Variants in GRK4 observed in about 807,000 individuals in gnomAD.
GRK4 encodes G protein-coupled receptor kinase 2-like.
GRK4 carries 73 observed loss-of-function variants against 77.9 expected under a neutral mutation model. The ratio of observed to expected loss-of-function variants is 0.94; its 90% CI spans 0.78 to 1.14. The LOEUF (loss-of-function observed/expected upper bound fraction) is 1.14. Among genes scored for constraint, GRK4 ranks in the 50% most tolerant of loss-of-function variants. The pLI is 0.00. For synonymous variants in GRK4, 257 were observed against 254.4 expected (o/e 1.01, Z -0.10); for missense variants, 729 against 700.2 (o/e 1.04, Z -0.46).
At chr4:3,023,724 G>A (rs1423827680) in intron 10 of GRK4, among the ~76,000 whole-genome samples, 1 of 152,202 alleles carries the variant, frequency 6.6e-6, no homozygotes, top group Non-Finnish European at 1.5e-5. Flanking sequence ...GGCACTAAGC[G>A]AAGCTGCTCA....
intron 2 of GRK4, 56 bp from the exon 3 acceptor site, chr4:2,988,671 T>A: frequency 2.3e-6 from 2 of 887,396 alleles, no homozygotes; most frequent in South Asian, 2.6e-5. Flanking sequence ...TAGAACAGCA[T>A]GTGGTGGACT....
At chr4:3,037,918 C>CAA (rs80159278) in intron 14 of GRK4, among the ~76,000 whole-genome samples, 55 of 109,956 alleles carry the variant, frequency 5.0e-4, no homozygotes, top group African/African-American at 1.2e-3. Context: ...TCGTCTCACC[C>CAA]AAAAAAAAAA....
chr4:3,038,595 A>G, intron 15 of GRK4, 82 bp downstream of exon 15: 1 of 1,488,638 alleles, frequency 6.7e-7, no homozygotes, highest in South Asian at 1.3e-5. Flanking sequence ...AAAACCTGGT[A>G]CTTTTTCTGT....
intron 14 of GRK4, 98 bp from the exon 15 acceptor site, chr4:3,038,278 C>T: frequency 6.7e-7 from 1 of 1,487,846 alleles, no homozygotes; most frequent in Non-Finnish European, 9.2e-7. Context: ...TCTGAGGTGC[C>T]CCGCACGGGG....
intron 4 of GRK4, among the ~76,000 whole-genome samples, chr4:2,993,712 C>T (rs569395320): frequency 1.3e-5 from 2 of 152,096 alleles, no homozygotes; most frequent in African/African-American, 2.4e-5. Flanking sequence ...AATCACTGCT[C>T]TAACATGTAA....
intron 15 of GRK4, among the ~76,000 whole-genome samples, chr4:3,039,501 C>T (rs1456258443): frequency 1.3e-5 from 2 of 151,894 alleles, no homozygotes; most frequent in African/African-American, 2.4e-5. Context: ...AGTTCAAGAC[C>T]AGCTTAGCCA....
At chr4:2,969,399 A>T in intron 1 of GRK4, 1 of 140,290 alleles carries the variant, frequency 7.1e-6, no homozygotes, top group Non-Finnish European at 1.5e-5. Context: ...TTTTTTAAAG[A>T]GAGTTTCGCT....
intron 2 of GRK4, chr4:2,986,854 T>TA: frequency 2.9e-6 from 1 of 341,302 alleles, no homozygotes; most frequent in South Asian, 2.2e-5. Flanking sequence ...ATTATATTTA[T>TA]AAAAATTAGT....
Position 3,013,837 on chromosome 4 carries a change from C to A in GRK4, c.741+9C>A, listed in dbSNP as rs1466460926. On this transcript the variant is annotated intron_variant, in intron 8 of 15. Transcript: ENST00000398052. The stretch of plus-strand genomic sequence containing the variant: ...TGCAAAGTAGATTCGTAGTAAGTGT[C>A]TCCTCTTAGTCTTCACTGTGCATTG... 1 of 1,604,640 alleles carries A rather than the reference C, an allele frequency of 6.2e-7. No homozygotes were observed.
intron 5 of GRK4, among the ~76,000 whole-genome samples, chr4:3,006,429 T>A (rs1242310940): frequency 1.3e-5 from 2 of 152,064 alleles, no homozygotes; most frequent in African/African-American, 4.8e-5. Flanking sequence ...TTACTTATTC[T>A]TGTTGGATAT....
chr4:3,026,811 C>T (rs755486180), intron 10 of GRK4, among the ~76,000 whole-genome samples: 1 of 152,228 alleles, frequency 6.6e-6, no homozygotes, highest in African/African-American at 2.4e-5. Context: ...AAGCATCATG[C>T]AGACTGTTTT....
chr4:2,985,208 C>T (rs966242097), intron 2 of GRK4, among the ~76,000 whole-genome samples: 7 of 151,372 alleles, frequency 4.6e-5, no homozygotes, highest in African/African-American at 9.7e-5. Context: ...GTCAGGAGAT[C>T]GAGACCACGG....
At chr4:2,984,671 G>C (rs972607348) in intron 2 of GRK4, 63 bp downstream of exon 2, 20 of 778,100 alleles carry the variant, frequency 2.6e-5, no homozygotes, top group Non-Finnish European at 8.0e-6. Context: ...TTCATTAGAT[G>C]TTATTCTTTC....
chr4:3,035,622 C>T (rs1366046206), intron 13 of GRK4, 99 bp downstream of exon 13: 5 of 1,354,838 alleles, frequency 3.7e-6, no homozygotes, highest in Non-Finnish European at 4.0e-6. Context: ...GGGGGTCTCA[C>T]TGTGTTGCCC....
At chr4:2,968,344 A>G (rs1430075266) in intron 1 of GRK4, among the ~76,000 whole-genome samples, 2 of 152,180 alleles carry the variant, frequency 1.3e-5, no homozygotes, top group African/African-American at 2.4e-5. Context: ...GTTATTGAGC[A>G]GTTTCTTTAA....
rs762680427 is a variant in GRK4 at position 3,027,929 on chromosome 4, G to A, written c.988G>A (p.Asp330Asn). Residue 330 changes from aspartate (D) to asparagine (N), a missense_variant, in exon 11 of 16, where the codon GAC (aspartate) becomes AAC (asparagine). By Grantham distance (23) the Asp-to-Asn change is conservative (BLOSUM62 1). Coordinates refer to ENST00000398052, the MANE Select transcript of GRK4 (RefSeq NM_182982.3). ...LDDRGHIRISDLGLATEIPEG... is the reference protein window; with the variant it reads ...LDDRGHIRISNLGLATEIPEG... ...ACACACAGGACACATCCGGATTTCAGACCTCGGTTTGGCCACAGAGATCCC... is the reference window on the plus strand; with the variant it reads ...ACACACAGGACACATCCGGATTTCAAACCTCGGTTTGGCCACAGAGATCCC... 1 of 1,614,074 alleles carries A rather than the reference G, an allele frequency of 6.2e-7. No homozygotes were observed. The highest frequency in any genetic ancestry group is 8.5e-7 in the Non-Finnish European group (1 of 1,180,008).
At position 3,029,371 on chromosome 4, in the gene GRK4, GAGA is replaced by G. The variant is rs1229158772; in HGVS notation, c.1234_1236del (p.Lys412del). On this transcript the variant is annotated inframe_deletion, in exon 12 of 16. Transcript: ENST00000398052. ...CAAGAATGATACCGAGGAGTATTCT[GAGA>G]AGTTTTCAGAGGATGCCAAATCTAT... 1 of 1,614,184 alleles carries G rather than the reference GAGA, an allele frequency of 6.2e-7. No homozygotes were observed.
In GRK4 at chr4:3,013,744, A is replaced by C; in HGVS notation, c.657A>C (p.Gln219His). 6.2e-7 allele frequency: 1 copy of C among 1,613,640 alleles called. No individual in the cohort carries two copies. The highest frequency in any genetic ancestry group is 8.5e-7 in the Non-Finnish European group (1 of 1,179,828). Residue 219 changes from glutamine (Q) to histidine (H), a missense_variant, in exon 8 of 16, where the codon CAA becomes CAC. Coordinates refer to ENST00000398052, the MANE Select transcript of GRK4 (RefSeq NM_182982.3). ...TGKMYACKKL[Q>H]KKRIKKRKGE... ...AAATGTATGCCTGCAAAAAGCTACA[A>C]AAAAAAAGAATAAAGAAGAGGAAAG... is the stretch of plus-strand genomic sequence containing the variant.
chr4:3,009,741 G>A (rs766343695), intron 7 of GRK4, 30 bp downstream of exon 7: 8 of 1,570,568 alleles, frequency 5.1e-6, no homozygotes, highest in South Asian at 3.3e-5. Flanking sequence ...TCATAGCAGC[G>A]CTGCTAGCTG....
Sources: gnomAD v4.1 joint callset for allele counts (sites outside exome capture counted in the v4.1 genomes callset) on GRCh38, gnomAD v4.1.1 for gene constraint, MANE v1.5 for transcripts, NCBI Gene and HGNC (gene_info 2026-07-23, HGNC 2026-07-21) for gene names.